Variants in LOC400499 observed in about 807,000 individuals in gnomAD.
chr16:11,436,205 C>T, the LOC400499 span, among the ~76,000 whole-genome samples: 1 of 152,168 alleles, frequency 6.6e-6, no homozygotes, highest in African/African-American at 2.4e-5. Flanking sequence ...AGCTCTAAAA[C>T]TCGTGCTGGT....
the LOC400499 span, among the ~76,000 whole-genome samples, chr16:11,393,160 C>CG: frequency 7.2e-6 from 1 of 139,212 alleles, no homozygotes; most frequent in African/African-American, 2.8e-5. Flanking sequence ...GGCCACCCCC[C>CG]CCCCTTTTTT....
At chr16:11,478,485 A>C in the LOC400499 span, 325 of 398,906 alleles carry the variant, frequency 8.1e-4, no homozygotes, top group Non-Finnish European at 1.1e-3. Context: ...TGCTTTGCCA[A>C]GTGTCACAGG....
chr16:11,475,500 T>C, the LOC400499 span: 107 of 395,562 alleles, frequency 2.7e-4, 1 homozygote, highest in East Asian at 1.7e-3. Flanking sequence ...CAGATACTTT[T>C]TGGTTTGCAG....
At chr16:11,450,351 G>C in the LOC400499 span, among the ~76,000 whole-genome samples, 1 of 152,214 alleles carries the variant, frequency 6.6e-6, no homozygotes, top group African/African-American at 2.4e-5. Flanking sequence ...CGTTTGACTT[G>C]CTTTCCTATT....
At chr16:11,505,110 A>G in the LOC400499 span, among the ~76,000 whole-genome samples, 1 of 151,820 alleles carries the variant, frequency 6.6e-6, no homozygotes, top group African/African-American at 2.4e-5. Context: ...CAGCTCCTGA[A>G]CCCACACTCT....
At chr16:11,393,422 G>A in the LOC400499 span, 5 of 1,232,304 alleles carry the variant, frequency 4.1e-6, no homozygotes, top group Non-Finnish European at 5.1e-6. Flanking sequence ...CCTGCAGACA[G>A]CTTGGGGCCC....
the LOC400499 span, chr16:11,431,267 T>G: frequency 2.5e-6 from 1 of 399,070 alleles, no homozygotes; most frequent in Non-Finnish European, 4.4e-6. Context: ...TCATGGGCTT[T>G]GTAGTCAGGC....
chr16:11,431,248 G>C, the LOC400499 span: 1 of 399,094 alleles, frequency 2.5e-6, no homozygotes, highest in East Asian at 3.6e-5. Context: ...CGAAGTAAGG[G>C]GGTTAAGATC....
At chr16:11,487,399 C>T in the LOC400499 span, 1 of 398,556 alleles carries the variant, frequency 2.5e-6, no homozygotes, top group Non-Finnish European at 4.4e-6. Flanking sequence ...AGGAGTAAGA[C>T]AAGAACATCA....
At chr16:11,447,815 C>T in the LOC400499 span, 1 of 1,339,204 alleles carries the variant, frequency 7.5e-7, no homozygotes, top group Non-Finnish European at 9.8e-7. Flanking sequence ...ATCTGGGCCC[C>T]AGCAGGTCAG....
the LOC400499 span, among the ~76,000 whole-genome samples, chr16:11,479,725 C>T: frequency 6.6e-6 from 1 of 152,214 alleles, no homozygotes; most frequent in African/African-American, 2.4e-5. Context: ...CATCTTCCAT[C>T]ACCAGGATGC....
the LOC400499 span, chr16:11,439,529 A>C: frequency 7.5e-6 from 3 of 399,106 alleles, no homozygotes; most frequent in East Asian, 7.1e-5. Flanking sequence ...AGGATGCCTG[A>C]GTTGGAAGAA....
chr16:11,436,699 T>A, the LOC400499 span, among the ~76,000 whole-genome samples: 4 of 152,038 alleles, frequency 2.6e-5, no homozygotes, highest in African/African-American at 9.7e-5. Context: ...GCAATTCTCC[T>A]GCCTCAGCCT....
At chr16:11,466,471 TC>T in the LOC400499 span, among the ~76,000 whole-genome samples, 3 of 152,032 alleles carry the variant, frequency 2.0e-5, no homozygotes, top group African/African-American at 7.2e-5. Context: ...CACTGCAACC[TC>T]CACCCCACCA....
At chr16:11,410,202 C>T in the LOC400499 span, among the ~76,000 whole-genome samples, 1,774 of 152,242 alleles carry the variant, frequency 0.012, 40 homozygotes, top group African/African-American at 0.04. Context: ...GCCTGTAATC[C>T]CAACACTTTG....
the LOC400499 span, among the ~76,000 whole-genome samples, chr16:11,498,491 T>G: frequency 8.8e-6 from 1 of 113,320 alleles, no homozygotes; most frequent in African/African-American, 3.4e-5. Context: ...CAAAAAATAA[T>G]AATGATTAAA....
chr16:11,525,060 G>A, the LOC400499 span, among the ~76,000 whole-genome samples: 1 of 152,154 alleles, frequency 6.6e-6, no homozygotes, highest in Non-Finnish European at 1.5e-5. Context: ...TGAGGTGGGT[G>A]ATGGCTTGAG....
the LOC400499 span, among the ~76,000 whole-genome samples, chr16:11,383,407 A>C: frequency 6.6e-6 from 1 of 152,160 alleles, no homozygotes; most frequent in African/African-American, 2.4e-5. Context: ...CATGTGAACT[A>C]ATAGAGCAAG....
At chr16:11,396,422 G>C in the LOC400499 span, 3 of 1,184,554 alleles carry the variant, frequency 2.5e-6, no homozygotes, top group Non-Finnish European at 3.2e-6. Context: ...GGGCCGCCCA[G>C]GCAGTTGGGG....
Sources: gnomAD v4.1 joint callset for allele counts (sites outside exome capture counted in the v4.1 genomes callset) on GRCh38, gnomAD v4.1.1 for gene constraint, MANE v1.5 for transcripts.